The following PDZD2 variants were observed in gnomAD, a reference collection of about 807,000 sequenced individuals.
PDZD2 encodes the protein PDZ domain containing 2, also known as PDZ domain-containing protein 2.
Under a neutral mutation model 220.7 loss-of-function variants are expected in PDZD2, and 90 were observed. That is an observed-to-expected ratio of 0.41 (90% CI 0.34 to 0.49). PDZD2 has a LOEUF of 0.49. Among genes scored for constraint, PDZD2 ranks in the 20% least tolerant of loss-of-function variants. PDZD2 has a pLI of 0.28. For synonymous variants in PDZD2, 1,375 were observed against 1,450.5 expected, an observed-to-expected ratio of 0.95 and a Z score of 1.18; for missense variants, 3,174 against 3,608.5, an observed-to-expected ratio of 0.88 and a Z score of 3.08.
chr5:31,726,620 G>A (rs1346400948), intron 1 of PDZD2, among the ~76,000 whole-genome samples: 1 of 152,174 alleles, frequency 6.6e-6, no homozygotes, highest in Admixed American at 6.5e-5. Context: ...AAAGTTGCCT[G>A]GACAAAGTTT....
chr5:31,749,998 A>C (rs1261858026), intron 1 of PDZD2, among the ~76,000 whole-genome samples: 1 of 152,182 alleles, frequency 6.6e-6, no homozygotes, highest in Non-Finnish European at 1.5e-5. Context: ...ACCTGGGGCC[A>C]TCCAGGACTG....
intron 15 of PDZD2, 80 bp downstream of exon 15, chr5:32,069,730 A>AT (rs1175414455): frequency 6.2e-5 from 46 of 736,694 alleles, no homozygotes; most frequent in Middle Eastern, 2.3e-4. Context: ...CCAGTGCAGT[A>AT]TTATTGGATT....
chr5:31,969,383 C>T (rs1304880887), intron 2 of PDZD2, among the ~76,000 whole-genome samples: 8 of 151,656 alleles, frequency 5.3e-5, no homozygotes, highest in African/African-American at 1.9e-4. Flanking sequence ...GTGGTGCACA[C>T]CTGTAGTCCC....
intron 2 of PDZD2, among the ~76,000 whole-genome samples, chr5:31,868,488 A>G (rs1428478022): frequency 6.6e-6 from 1 of 152,152 alleles, no homozygotes. Context: ...GAGTTTGGGA[A>G]AAGCTAGTTA....
At position 32,044,693 on chromosome 5, in the gene PDZD2, C is replaced by T. The variant is rs115331111; in HGVS notation, c.1520-3846C>T. Among the ~76,000 whole-genome samples the T allele has an allele frequency of 4.9e-3, 752 of 152,236 alleles. 5 individuals are homozygous for T. The highest frequency in any genetic ancestry group is 0.017 in the African/African-American group (706 of 41,540). On this transcript the variant is annotated intron_variant, in intron 7 of 24. Coordinates refer to ENST00000438447, the MANE Select transcript of PDZD2 (RefSeq NM_178140.4). ...GAGTTTGTCAGAGTCATTAGGGAAA[C>T]GGACATAGCAGAATTTTTGGGTGGG...
chr5:31,743,984 T>A lies in PDZD2; in HGVS notation c.-360-54905T>A, dbSNP rs1750429990. 2 of 152,186 alleles carry A rather than the reference T, an allele frequency of 1.3e-5. 1 individual carries two copies. Among genetic ancestry groups the A allele is most frequent in the South Asian group, 4.1e-4 (2 of 4,836 alleles). 9.4% of individuals were successfully genotyped at this position (152,186 alleles called of 1,614,324 possible). A position where few individuals can be genotyped will look rare whatever the true frequency, so the allele number is the denominator to read the frequency against. On this transcript the variant is annotated intron_variant, in intron 1 of 24. Transcript: ENST00000438447. Reference sequence around the variant, plus strand: ...AGAGTTTTCTGTCCTAGTCTTTCCTTTTCTTCCCTTTAATTGTGCCTGTTT... The same window carrying A: ...AGAGTTTTCTGTCCTAGTCTTTCCTATTCTTCCCTTTAATTGTGCCTGTTT...
At chr5:31,981,823 G>A (rs1750321402) in intron 2 of PDZD2, among the ~76,000 whole-genome samples, 1 of 152,126 alleles carries the variant, frequency 6.6e-6, no homozygotes, top group African/African-American at 2.4e-5. Context: ...AGCCCAGCCT[G>A]GTTTCCTGAC....
chr5:32,086,647 G>A (rs1742478252), intron 19 of PDZD2, among the ~76,000 whole-genome samples: 1 of 150,406 alleles, frequency 6.6e-6, no homozygotes, highest in Non-Finnish European at 1.5e-5. Flanking sequence ...CCTCCATTTA[G>A]GCCACAGAAC....
intron 2 of PDZD2, among the ~76,000 whole-genome samples, chr5:31,844,471 A>G (rs956174975): frequency 1.3e-5 from 2 of 152,222 alleles, no homozygotes; most frequent in African/African-American, 4.8e-5. Flanking sequence ...ATATTTACGT[A>G]TTACTGAGTA....
At chr5:31,756,445 G>A (rs995120924) in intron 1 of PDZD2, among the ~76,000 whole-genome samples, 2 of 152,190 alleles carry the variant, frequency 1.3e-5, no homozygotes, top group Non-Finnish European at 2.9e-5. Flanking sequence ...GGATAGAGGA[G>A]CTTGGCAAGA....
chr5:32,015,448 C>T (rs1360855527), intron 6 of PDZD2, among the ~76,000 whole-genome samples: 1 of 152,016 alleles, frequency 6.6e-6, no homozygotes, highest in East Asian at 1.9e-4. Flanking sequence ...GATGGGGCGT[C>T]ACTATGTTGC....
chr5:32,046,747 A>T (rs984860438), intron 7 of PDZD2, among the ~76,000 whole-genome samples: 4 of 152,210 alleles, frequency 2.6e-5, no homozygotes, highest in Non-Finnish European at 5.9e-5. Flanking sequence ...TTACATTAAA[A>T]ATTTGAAAAA....
At chr5:31,955,683 C>CTTTTTTTTTTTTTTTTTT (rs34964306) in intron 2 of PDZD2, among the ~76,000 whole-genome samples, 1 of 116,882 alleles carries the variant, frequency 8.6e-6, no homozygotes, top group Non-Finnish European at 1.8e-5. Context: ...GGGCTCTGTT[C>CTTTTTTTTTTTTTTTTTT]TTTTTTTTTT....
intron 2 of PDZD2, among the ~76,000 whole-genome samples, chr5:31,881,719 C>T (rs1249442992): frequency 6.6e-6 from 1 of 150,536 alleles, no homozygotes; most frequent in Non-Finnish European, 1.5e-5. Flanking sequence ...TATATATACA[C>T]ACACATTTTT....
intron 2 of PDZD2, among the ~76,000 whole-genome samples, chr5:31,920,567 A>G (rs4340934): frequency 0.86 from 131,004 of 151,452 alleles, 57,121 homozygotes; most frequent in East Asian, 0.98. Flanking sequence ...GGCTATAGGG[A>G]AGACTGAGAC....
chr5:32,028,684 GTT>G (rs1287949594), intron 6 of PDZD2, among the ~76,000 whole-genome samples: 2 of 97,496 alleles, frequency 2.1e-5, no homozygotes. Context: ...TGTTTTTTTT[GTT>G]TTTTTTTTTT....
chr5:31,877,286 G>T (rs28608035), intron 2 of PDZD2, among the ~76,000 whole-genome samples: 8,729 of 152,046 alleles, frequency 0.057, 478 homozygotes, highest in African/African-American at 0.15. Flanking sequence ...TGCAATCTCG[G>T]CTTACTGCAA....
At chr5:32,046,768 C>T (rs1413562490) in intron 7 of PDZD2, among the ~76,000 whole-genome samples, 2 of 152,114 alleles carry the variant, frequency 1.3e-5, no homozygotes, top group East Asian at 1.9e-4. Flanking sequence ...ATGGGCCAGG[C>T]GCAATGGCTC....
chr5:32,031,020 C>T (rs555701211), intron 6 of PDZD2, among the ~76,000 whole-genome samples: 6 of 152,224 alleles, frequency 3.9e-5, no homozygotes, highest in African/African-American at 1.4e-4. Context: ...GGAGAGCTGT[C>T]CCAGATTATC....
Sources: gnomAD v4.1 joint callset for allele counts (sites outside exome capture counted in the v4.1 genomes callset) on GRCh38, gnomAD v4.1.1 for gene constraint, MANE v1.5 for transcripts, NCBI Gene and HGNC (gene_info 2026-07-23, HGNC 2026-07-21) for gene names.